GRM5: variants seen among roughly 807,000 people sequenced by gnomAD.
GRM5 encodes metabotropic glutamate receptor 5.
Under a neutral mutation model 83.1 loss-of-function variants are expected in GRM5, and 19 were observed. The observed-to-expected ratio is 0.23, with a 90% CI of 0.16 to 0.34. GRM5 has a LOEUF of 0.34. Among genes scored for constraint, GRM5 ranks in the 10% least tolerant of loss-of-function variants. The pLI is 1.00. For missense variants in GRM5, 1,160 were observed against 1,588.3 expected, an observed-to-expected ratio of 0.73 and a Z score of 4.58; for synonymous variants, 675 against 633.6, an observed-to-expected ratio of 1.07 and a Z score of -0.98.
chr11:88,663,954 G>T (rs1939973069), intron 3 of GRM5, among the ~76,000 whole-genome samples: 1 of 152,044 alleles, frequency 6.6e-6, no homozygotes, highest in Admixed American at 6.6e-5. Flanking sequence ...ATCATAACAG[G>T]TCACTAGGGA....
intron 2 of GRM5, among the ~76,000 whole-genome samples, chr11:89,039,925 A>C (rs1019699558): frequency 3.3e-5 from 5 of 152,038 alleles, no homozygotes; most frequent in Admixed American, 1.3e-4. Context: ...ACAGTCTCCC[A>C]AGGAGCTGGG....
At chr11:88,641,267 T>C (rs1939286344) in intron 4 of GRM5, among the ~76,000 whole-genome samples, 1 of 152,000 alleles carries the variant, frequency 6.6e-6, no homozygotes, top group South Asian at 2.1e-4. Context: ...ACAAAGGGGA[T>C]GCTGCTAAAC....
intron 2 of GRM5, among the ~76,000 whole-genome samples, chr11:88,944,496 C>A (rs1384832024): frequency 1.3e-5 from 2 of 151,622 alleles, no homozygotes; most frequent in Non-Finnish European, 3.0e-5. Flanking sequence ...ATATAGTTAC[C>A]CTTTGTGTGT....
At chr11:88,570,571 A>ATTTTTTTTTTTT (rs1194098388) in intron 7 of GRM5, among the ~76,000 whole-genome samples, 2 of 46,376 alleles carry the variant, frequency 4.3e-5, no homozygotes, top group African/African-American at 1.3e-4. Context: ...ATATATATAT[A>ATTTTTTTTTTTT]TTTTTTTTTT....
chr11:88,738,471 C>G (rs1048051520), intron 3 of GRM5, among the ~76,000 whole-genome samples: 2 of 152,086 alleles, frequency 1.3e-5, no homozygotes, highest in Non-Finnish European at 2.9e-5. Context: ...TAAGAGGTCT[C>G]TTTAATTCCA....
intron 2 of GRM5, among the ~76,000 whole-genome samples, chr11:88,898,475 A>C (rs558199836): frequency 6.6e-6 from 1 of 152,098 alleles, no homozygotes; most frequent in Admixed American, 6.6e-5. Flanking sequence ...TTATATGAAA[A>C]ATGCAAATAA....
chr11:88,825,102 C>CT (rs1045480136), intron 3 of GRM5, among the ~76,000 whole-genome samples: 2 of 151,686 alleles, frequency 1.3e-5, no homozygotes, highest in Admixed American at 6.6e-5. Context: ...GCCGTGTTTT[C>CT]TTTTTTTTAG....
chr11:88,746,570 CA>C (rs11302390), intron 3 of GRM5, among the ~76,000 whole-genome samples: 107,859 of 147,562 alleles, frequency 0.73, 41,358 homozygotes, highest in South Asian at 0.88. Context: ...ATTCTGGAGA[CA>C]AAAAAAAAAA....
chr11:88,720,475 T>C (rs773511671), intron 3 of GRM5, among the ~76,000 whole-genome samples: 44 of 151,994 alleles, frequency 2.9e-4, no homozygotes, highest in Admixed American at 5.9e-4. Flanking sequence ...CGAGCCAGCC[T>C]TTTACCTTAA....
intron 2 of GRM5, among the ~76,000 whole-genome samples, chr11:89,044,487 T>C (rs920365562): frequency 6.6e-6 from 1 of 152,148 alleles, no homozygotes; most frequent in African/African-American, 2.4e-5. Flanking sequence ...TGTGATGACA[T>C]ACACTTTCTT....
intron 3 of GRM5, among the ~76,000 whole-genome samples, chr11:88,784,305 T>C (rs1376368705): frequency 2.0e-5 from 3 of 152,112 alleles, no homozygotes; most frequent in Non-Finnish European, 2.9e-5. Flanking sequence ...GAAAATCTGC[T>C]AGTTCAGAAA....
At chr11:88,748,615 G>T (rs1362230723) in intron 3 of GRM5, among the ~76,000 whole-genome samples, 1 of 152,096 alleles carries the variant, frequency 6.6e-6, no homozygotes, top group Admixed American at 6.5e-5. Flanking sequence ...CTCTGGGCAG[G>T]TCCCTGATCC....
At chr11:88,974,750 G>A (rs1199701658) in intron 2 of GRM5, among the ~76,000 whole-genome samples, 1 of 152,058 alleles carries the variant, frequency 6.6e-6, no homozygotes, top group Admixed American at 6.6e-5. Flanking sequence ...CTTTTAGCAT[G>A]AATTGTTACA....
intron 2 of GRM5, among the ~76,000 whole-genome samples, chr11:88,886,598 A>C (rs1173484403): frequency 6.6e-6 from 1 of 152,234 alleles, no homozygotes; most frequent in East Asian, 1.9e-4. Context: ...CTTAGCTGTC[A>C]TGTGGGGCTG....
chr11:88,779,301 A>T (rs1232804942), intron 3 of GRM5, among the ~76,000 whole-genome samples: 3 of 152,166 alleles, frequency 2.0e-5, no homozygotes, highest in Admixed American at 6.6e-5. Context: ...AGAAGTTGAT[A>T]TTCCTTCAAT....
At chr11:88,970,099 T>C (rs1939121137) in intron 2 of GRM5, among the ~76,000 whole-genome samples, 1 of 152,156 alleles carries the variant, frequency 6.6e-6, no homozygotes, top group African/African-American at 2.4e-5. Context: ...ACATATAATA[T>C]ACTATGCATA....
rs568894253 is a variant in GRM5, at chr11:88,990,270, G to A, written c.661+56942C>T. The stretch of plus-strand genomic sequence containing the variant: ...TAAACTCGAAAATCTAGAAGAAATG[G>A]ATAAATTCCTCGACCCATACACTTT... On this transcript the variant is annotated intron_variant, in intron 2 of 9. Transcript: ENST00000305447. Among the ~76,000 whole-genome samples, 16 of 152,216 alleles carry A rather than the reference G, an allele frequency of 1.1e-4. No individual in the cohort carries two copies. In the East Asian group the frequency reaches 2.9e-3, roughly 28 times the overall value.
chr11:88,766,527 T>C (rs1278981723), intron 3 of GRM5, among the ~76,000 whole-genome samples: 1 of 151,912 alleles, frequency 6.6e-6, no homozygotes, highest in African/African-American at 2.4e-5. Flanking sequence ...ACTAGAACCC[T>C]ACTTTACACC....
chr11:88,863,390 A>T (rs907924656), intron 2 of GRM5, among the ~76,000 whole-genome samples: 2 of 47,488 alleles, frequency 4.2e-5, no homozygotes, highest in East Asian at 1.0e-3. Flanking sequence ...ACCAGATTTA[A>T]AAAAAAATGA....
Sources: gnomAD v4.1 joint callset for allele counts (sites outside exome capture counted in the v4.1 genomes callset) on GRCh38, gnomAD v4.1.1 for gene constraint, MANE v1.5 for transcripts, NCBI Gene and HGNC (gene_info 2026-07-23, HGNC 2026-07-21) for gene names.